The following NR2C1 variants were observed in gnomAD, a reference collection of about 807,000 sequenced individuals.
NR2C1 encodes the protein nuclear receptor subfamily 2 group C member 1.
NR2C1 carries 33 observed loss-of-function variants against 74.8 expected under a neutral mutation model. The ratio of observed to expected loss-of-function variants is 0.44; its 90% CI spans 0.33 to 0.59. The LOEUF is 0.59. NR2C1 is among the 20% of genes least tolerant of loss of function. NR2C1 has a pLI of 0.02. For synonymous variants in NR2C1, 225 were observed against 240.6 expected (o/e 0.94, Z 0.60); for missense variants, 568 against 715.6 (o/e 0.79, Z 2.35).
chr12:95,055,151 G>A (rs1367428099), intron 7 of NR2C1, among the ~76,000 whole-genome samples: 3 of 152,156 alleles, frequency 2.0e-5, no homozygotes, highest in Non-Finnish European at 4.4e-5. Flanking sequence ...GCCCCTAAAG[G>A]CTCTTAGCCA....
rs1041256372 is a variant in NR2C1, at chr12:95,057,594, C to T, written c.742G>A (p.Gly248Arg). The T allele has an allele frequency of 1.9e-6, 3 of 1,613,926 alleles. No individual in the cohort carries two copies. The highest frequency in any genetic ancestry group is 1.7e-6 in the Non-Finnish European group (2 of 1,179,966). ...AGCACAGCTGACTCAGTTTTTACTC[C>T]AGATGGATGAATATTCATGAACATT... ...SGMFMNIHPS[G>R]VKTESAVLMT... The change falls in exon 7 of 14, where the codon GGA becomes AGA. Residue 248 changes from glycine to arginine, a missense_variant. Gly to Arg is a moderately radical substitution (Grantham distance 125). Around this residue, in one of 6 missense-constraint regions of NR2C1, gnomAD observed 239 missense variants for 232.3 expected, o/e 1.03. Transcript: ENST00000333003.
chr12:95,070,200 C>T (rs1199844940), intron 1 of NR2C1, among the ~76,000 whole-genome samples: 4 of 152,076 alleles, frequency 2.6e-5, no homozygotes, highest in Admixed American at 2.0e-4. Context: ...GGTGCAATCT[C>T]GGCTCACTAC....
At chr12:95,049,273 C>A in intron 8 of NR2C1, 40 bp from the exon 9 acceptor site, 1 of 1,569,356 alleles carries the variant, frequency 6.4e-7, no homozygotes, top group Non-Finnish European at 8.7e-7. Flanking sequence ...TGACCAAACA[C>A]CGCAATAAAA....
intron 2 of NR2C1, among the ~76,000 whole-genome samples, chr12:95,063,554 G>T (rs1177794424): frequency 3.3e-5 from 5 of 152,010 alleles, no homozygotes; most frequent in Non-Finnish European, 4.4e-5. Flanking sequence ...TTTTTAAAAA[G>T]GAATCAGACA....
intron 1 of NR2C1, chr12:95,073,148 C>G (rs1269452871): frequency 6.5e-6 from 1 of 153,338 alleles, no homozygotes; most frequent in South Asian, 2.0e-4. Context: ...GTCCCGCCGC[C>G]CCTGTCGCCC....
rs758571899 is a variant in NR2C1, at chr12:95,057,759, T to C, written c.664A>G (p.Thr222Ala). The C allele has an allele frequency of 4.8e-5, 78 of 1,613,966 alleles. No individual in the cohort carries two copies. The highest frequency in any genetic ancestry group is 6.4e-5 in the Non-Finnish European group (75 of 1,179,990). The change falls in exon 6 of 14, where the codon ACT becomes GCT. Residue 222 changes from threonine to alanine, a missense_variant. By Grantham distance (58) the Thr-to-Ala change is moderately conservative. Coordinates refer to ENST00000333003, the MANE Select transcript of NR2C1 (RefSeq NM_003297.4). ...DLRSPLTATP[T>A]FVTDSESTRS... Reference sequence around the variant, plus strand: ...GTACTTTCACTATCTGTTACAAAAGTTGGAGTTGCAGTTAATGGGCTACGA... The same window carrying C: ...GTACTTTCACTATCTGTTACAAAAGCTGGAGTTGCAGTTAATGGGCTACGA...
At chr12:95,051,987 A>G (rs767704351) in intron 7 of NR2C1, 44 bp from the exon 8 acceptor site, 2 of 1,304,634 alleles carry the variant, frequency 1.5e-6, no homozygotes, top group Non-Finnish European at 2.1e-6. Flanking sequence ...TGGTATCACT[A>G]TTTTTTTCAA....
intron 12 of NR2C1, among the ~76,000 whole-genome samples, chr12:95,027,378 G>A (rs1379438488): frequency 1.3e-5 from 2 of 152,048 alleles, no homozygotes; most frequent in African/African-American, 4.8e-5. Context: ...TTATTTCACT[G>A]ACTTCTCAAC....
chr12:95,027,018 G>C (rs993634020), intron 12 of NR2C1: 1 of 151,992 alleles, frequency 6.6e-6, no homozygotes, highest in African/African-American at 2.4e-5. Flanking sequence ...TTCAAATGTT[G>C]ACGTGACAAC....
At chr12:95,040,668 A>T (rs1871415330) in intron 9 of NR2C1, 71 bp from the exon 10 acceptor site, 1 of 1,435,342 alleles carries the variant, frequency 7.0e-7, no homozygotes, top group Non-Finnish European at 9.5e-7. Flanking sequence ...TCTTTGAAAA[A>T]GTTTAAACGT....
chr12:95,059,986 T>TAAAA lies in NR2C1; in HGVS notation c.286-6_286-3dup, dbSNP rs79760875. 9.8e-5 allele frequency: 105 copies of TAAAA among 1,074,478 alleles called. No homozygotes were observed. The highest frequency in any genetic ancestry group is 3.3e-4 in the South Asian group (17 of 52,306). The allele number at this position is 1,074,478 out of a possible 1,614,324, so 66.6% of individuals were successfully genotyped here. ...GTCTGGAGAATTATCTGTTAGGAGCTAAAAAAAAAAAAAAAAAAAAAGAAA... is the reference window on the plus strand; with the variant it reads ...GTCTGGAGAATTATCTGTTAGGAGCTAAAAAAAAAAAAAAAAAAAAAAAAAGAAA... On this transcript the variant is annotated splice_region_variant and splice_polypyrimidine_tract_variant and intron_variant, in intron 3 of 13. Transcript: ENST00000333003.
Position 95,049,160 on chromosome 12 carries a change from C to T in NR2C1, c.1039G>A (p.Glu347Lys), listed in dbSNP as rs755733101. The T allele has an allele frequency of 6.2e-7, 1 of 1,614,144 alleles. No homozygotes were observed. Among genetic ancestry groups the T allele is most frequent in the East Asian group, 2.2e-5 (1 of 44,884 alleles). ...CCAGTGATTAGGTGTACACTTCCTT[C>T]CATGCCCGCTACTGAGCTCTGGCAG... ...TACQSSVAGM[E>K]GSVHLITGDS... Residue 347 changes from glutamate to lysine, a missense_variant, in exon 9 of 14, where the codon GAA (glutamate) becomes AAA (lysine). Around this residue, in one of 6 missense-constraint regions of NR2C1, gnomAD observed 239 missense variants for 232.3 expected, o/e 1.03. Transcript: ENST00000333003.
At chr12:95,064,112 G>A (rs576928294) in intron 2 of NR2C1, among the ~76,000 whole-genome samples, 1 of 150,450 alleles carries the variant, frequency 6.6e-6, no homozygotes, top group South Asian at 2.1e-4. Flanking sequence ...GGCAACTCAT[G>A]AGGTCAGGAG....
At chr12:95,061,998 G>A (rs1874854905) in intron 3 of NR2C1, among the ~76,000 whole-genome samples, 1 of 152,206 alleles carries the variant, frequency 6.6e-6, no homozygotes, top group Admixed American at 6.5e-5. Flanking sequence ...AACAAAGGAG[G>A]CACAATGTTG....
chr12:95,036,637 C>A (rs982988040), intron 10 of NR2C1, among the ~76,000 whole-genome samples: 3 of 151,764 alleles, frequency 2.0e-5, no homozygotes, highest in African/African-American at 7.3e-5. Flanking sequence ...CAGCCTCCTG[C>A]GTAGCTGGGA....
intron 9 of NR2C1, among the ~76,000 whole-genome samples, chr12:95,045,455 C>G (rs1454313285): frequency 6.6e-6 from 1 of 151,524 alleles, no homozygotes; most frequent in African/African-American, 2.4e-5. Flanking sequence ...AGACTGGAAG[C>G]GAAGATATTA....
At chr12:95,044,697 G>T (rs1872085651) in intron 9 of NR2C1, among the ~76,000 whole-genome samples, 1 of 152,074 alleles carries the variant, frequency 6.6e-6, no homozygotes, top group Admixed American at 6.5e-5. Flanking sequence ...TGGGCAACAT[G>T]ATGAAACCTC....
At chr12:95,066,842 T>C (rs1166926719) in intron 2 of NR2C1, 1 of 154,900 alleles carries the variant, frequency 6.5e-6, no homozygotes, top group African/African-American at 2.4e-5. Context: ...AGTATTATTA[T>C]AAAAATGGTC....
At chr12:95,044,622 C>T (rs994836060) in intron 9 of NR2C1, among the ~76,000 whole-genome samples, 2 of 152,006 alleles carry the variant, frequency 1.3e-5, no homozygotes, top group Non-Finnish European at 2.9e-5. Context: ...TGATGGCTCA[C>T]GCTTATAATC....
Sources: gnomAD v4.1 joint callset for allele counts (sites outside exome capture counted in the v4.1 genomes callset) on GRCh38, gnomAD v4.1.1 for gene constraint, gnomAD v4.1.1 regional missense constraint, MANE v1.5 for transcripts, NCBI Gene and HGNC (gene_info 2026-07-23, HGNC 2026-07-21) for gene names.